The following PPM1H variants were observed in gnomAD, a reference collection of about 807,000 sequenced individuals.
PPM1H encodes the protein protein phosphatase 1H.
A neutral mutation model predicts 54.9 loss-of-function variants in PPM1H; 27 were observed. The ratio of observed to expected loss-of-function variants is 0.49; its 90% CI spans 0.36 to 0.68. PPM1H has a LOEUF of 0.68. Ranked by LOEUF, PPM1H falls within the 30% of genes least tolerant of loss-of-function variation. PPM1H has a pLI of 0.00. For missense variants in PPM1H, 596 were observed against 667.8 expected, an observed-to-expected ratio of 0.89 and a Z score of 1.19; for synonymous variants, 305 against 270.8, an observed-to-expected ratio of 1.13 and a Z score of -1.24.
At chr12:62,737,216 T>C (rs1851966200) in intron 5 of PPM1H, among the ~76,000 whole-genome samples, 1 of 78,544 alleles carries the variant, frequency 1.3e-5, no homozygotes. Flanking sequence ...TAAGAAGCCA[T>C]TAAAAAAAAA....
chr12:62,874,377 G>C (rs1870090595), intron 1 of PPM1H, among the ~76,000 whole-genome samples: 1 of 152,154 alleles, frequency 6.6e-6, no homozygotes, highest in Admixed American at 6.5e-5. Flanking sequence ...ACTGCATCAT[G>C]ATCCAAGAGG....
intron 3 of PPM1H, among the ~76,000 whole-genome samples, chr12:62,795,746 A>C (rs1450385881): frequency 6.6e-6 from 1 of 150,720 alleles, no homozygotes; most frequent in African/African-American, 2.4e-5. Flanking sequence ...TTTGTTTTTG[A>C]GACAGAGTCT....
intron 1 of PPM1H, among the ~76,000 whole-genome samples, chr12:62,910,786 G>A (rs1377914202): frequency 2.6e-5 from 4 of 152,144 alleles, no homozygotes; most frequent in Non-Finnish European, 5.9e-5. Context: ...CATTTTATCT[G>A]AAGAATCAGA....
chr12:62,825,552 T>C lies in PPM1H; in HGVS notation c.411+6562A>G, dbSNP rs568395343. 5.3e-5 allele frequency among the ~76,000 whole-genome samples: 8 copies of C among 152,274 alleles called. No individual in the cohort carries two copies. In the South Asian group the frequency reaches 1.7e-3, roughly 32 times the overall value. On this transcript the variant is annotated intron_variant, in intron 2 of 9. Coordinates refer to ENST00000228705, the MANE Select transcript of PPM1H (RefSeq NM_020700.2). ...TATATACCACAGAATACTATGCAGCTATAAAAACAGATGAGTTCATGTCCT... is the reference window on the plus strand; with the variant it reads ...TATATACCACAGAATACTATGCAGCCATAAAAACAGATGAGTTCATGTCCT...
chr12:62,916,689 G>A (rs1011397407), intron 1 of PPM1H, among the ~76,000 whole-genome samples: 2 of 151,768 alleles, frequency 1.3e-5, no homozygotes, highest in Non-Finnish European at 2.9e-5. Context: ...ACTTAAATCA[G>A]AAGAACTCTA....
At chr12:62,652,294 C>T (rs2075820947) in intron 9 of PPM1H, among the ~76,000 whole-genome samples, 1 of 152,122 alleles carries the variant, frequency 6.6e-6, no homozygotes, top group African/African-American at 2.4e-5. Flanking sequence ...CTCACTGTAA[C>T]CTTGAAGTCT....
At chr12:62,709,992 C>G (rs1230809934) in intron 6 of PPM1H, among the ~76,000 whole-genome samples, 3 of 152,026 alleles carry the variant, frequency 2.0e-5, no homozygotes, top group Admixed American at 6.5e-5. Flanking sequence ...ATCGCTTGAA[C>G]CCAGGAAGCG....
rs369802137 is a variant in PPM1H at position 62,689,652 on chromosome 12, G to T, written c.1245+47C>A. On this transcript the variant is annotated intron_variant, in intron 8 of 9. Coordinates refer to ENST00000228705, the MANE Select transcript of PPM1H (RefSeq NM_020700.2). ...TGTGAGTCACAGGAGGAATAACGCC[G>T]AAAATGTTTTATTGCACAAAATATA... 8.0e-6 allele frequency: 12 copies of T among 1,492,222 alleles called. No homozygotes were observed. In the African/African-American group the frequency reaches 1.2e-4, roughly 16 times the overall value. 92.4% of individuals were successfully genotyped at this position (1,492,222 alleles called of 1,614,324 possible). A position where few individuals can be genotyped will look rare whatever the true frequency, so the allele number is the denominator to read the frequency against.
At chr12:62,814,018 A>C (rs117872424) in intron 2 of PPM1H, among the ~76,000 whole-genome samples, 1 of 152,294 alleles carries the variant, frequency 6.6e-6, no homozygotes, top group Non-Finnish European at 1.5e-5. Context: ...TATATACTTT[A>C]TGGATACACA....
At chr12:62,658,853 A>G (rs1159899168) in intron 9 of PPM1H, 1 of 584,032 alleles carries the variant, frequency 1.7e-6, no homozygotes. Context: ...GGAGCCCAAG[A>G]TTGTCAAAAA....
intron 1 of PPM1H, among the ~76,000 whole-genome samples, chr12:62,931,698 C>A (rs949855062): frequency 6.6e-6 from 1 of 152,146 alleles, no homozygotes; most frequent in African/African-American, 2.4e-5. Flanking sequence ...GGGCAAGTTG[C>A]TTAATCACTC....
chr12:62,676,948 G>C (rs1013919142), intron 8 of PPM1H, among the ~76,000 whole-genome samples: 1 of 152,234 alleles, frequency 6.6e-6, no homozygotes, highest in Admixed American at 6.5e-5. Flanking sequence ...CCACAGCCTG[G>C]AGTGAGAGCT....
intron 1 of PPM1H, among the ~76,000 whole-genome samples, chr12:62,900,397 T>G (rs1285287440): frequency 3.4e-5 from 5 of 147,216 alleles, no homozygotes; most frequent in East Asian, 2.0e-4. Flanking sequence ...TGGGGTGGGG[T>G]AGGGGGGAGG....
chr12:62,808,342 A>C (rs543008979), intron 2 of PPM1H, among the ~76,000 whole-genome samples: 1 of 152,260 alleles, frequency 6.6e-6, no homozygotes, highest in South Asian at 2.1e-4. Context: ...CTATGCTTTC[A>C]GCCATCAACC....
At chr12:62,859,116 G>C (rs1869504584) in intron 1 of PPM1H, among the ~76,000 whole-genome samples, 1 of 152,180 alleles carries the variant, frequency 6.6e-6, no homozygotes, top group Non-Finnish European at 1.5e-5. Context: ...CATTGATCCA[G>C]CTTCAGTAAC....
intron 6 of PPM1H, among the ~76,000 whole-genome samples, chr12:62,701,831 A>C (rs1278938033): frequency 2.0e-5 from 3 of 152,066 alleles, no homozygotes; most frequent in Non-Finnish European, 1.5e-5. Flanking sequence ...GCTCCTGCTC[A>C]TCCTGCTTCA....
At chr12:62,854,299 A>T (rs1869304109) in intron 1 of PPM1H, among the ~76,000 whole-genome samples, 1 of 152,220 alleles carries the variant, frequency 6.6e-6, no homozygotes, top group African/African-American at 2.4e-5. Flanking sequence ...ACATAGCCAG[A>T]GTTTTTCTTA....
At position 62,934,971 on chromosome 12, in the gene PPM1H, C is replaced by T; in HGVS notation, c.-235G>A. 3 of 273,490 alleles carry T rather than the reference C, an allele frequency of 1.1e-5. No homozygotes were observed. Among genetic ancestry groups the T allele is most frequent in the Non-Finnish European group, 2.0e-5 (3 of 152,298 alleles). The allele number at this position is 273,490 out of a possible 1,614,324, so 16.9% of individuals were successfully genotyped here. ...CCGCTACACTTCCGCAACGGAGCTG[C>T]ATGGAGCGGGCCGACCGGGGGAGTC... On this transcript the variant is annotated 5_prime_UTR_variant, in exon 1 of 10. The change abolishes an upstream ATG in the 5' untranslated region. Transcript: ENST00000228705. The surrounding 1 kb of genome is among the most constrained non-coding windows in gnomAD (Gnocchi z 4.2).
At chr12:62,743,436 G>C (rs1435473356) in intron 4 of PPM1H, among the ~76,000 whole-genome samples, 2 of 152,196 alleles carry the variant, frequency 1.3e-5, no homozygotes, top group South Asian at 4.1e-4. Flanking sequence ...CCTAACCAAT[G>C]AGAATTTTGA....
Sources: gnomAD v4.1 joint callset for allele counts (sites outside exome capture counted in the v4.1 genomes callset) on GRCh38, gnomAD v4.1.1 for gene constraint, Gnocchi (gnomAD v3.1) non-coding constraint, MANE v1.5 for transcripts, NCBI Gene and HGNC (gene_info 2026-07-23, HGNC 2026-07-21) for gene names.